MYCBP2: variants seen among roughly 807,000 people sequenced by gnomAD.
MYCBP2 encodes the protein E3 ubiquitin-protein ligase MYCBP2.
Under a neutral mutation model 525.3 loss-of-function variants are expected in MYCBP2, and 120 were observed. The observed-to-expected ratio is 0.23, with a 90% CI of 0.20 to 0.27. The LOEUF (loss-of-function observed/expected upper bound fraction) is 0.27, where lower values mean the gene tolerates loss of function less well. Ranked by LOEUF, MYCBP2 falls within the 10% of genes least tolerant of loss-of-function variation. The probability of loss-of-function intolerance (pLI) is 1.00; values close to 1 mark genes in which losing one functional copy is unlikely to be tolerated. For synonymous variants in MYCBP2, 1,894 were observed against 1,955.8 expected, an observed-to-expected ratio of 0.97 and a Z score of 0.83; for missense variants, 4,149 against 5,657.1, an observed-to-expected ratio of 0.73 and a Z score of 8.55.
At chr13:77,256,488 A>T (rs770502485) in intron 14 of MYCBP2, among the ~76,000 whole-genome samples, 1 of 152,098 alleles carries the variant, frequency 6.6e-6, no homozygotes. Context: ...ATTATCAAAT[A>T]AATAAGAAAT....
At position 77,225,442 on chromosome 13, in the gene MYCBP2, G is replaced by A. The variant is rs1232261235; in HGVS notation, c.2850C>T (p.His950=). 2 of 1,613,560 alleles carry A rather than the reference G, an allele frequency of 1.2e-6. No homozygotes were observed. Among genetic ancestry groups the A allele is most frequent in the Non-Finnish European group, 1.7e-6 (2 of 1,179,654 alleles). ...LRAVQVSCGF[H]HSVVLMENGD... is the part of the protein sequence containing the mutation. ...TAAAGTTCCAGCCGCTACCTGAATG[G>A]TGAAATCCACAGCTGACTTGGACTG... The change falls in exon 19 of 83, where the codon CAC becomes CAT. Residue 950 remains histidine, a synonymous_variant. Coordinates refer to ENST00000544440, the MANE Select transcript of MYCBP2 (RefSeq NM_015057.5).
intron 7 of MYCBP2, 74 bp downstream of exon 7, chr13:77,269,918 T>G: frequency 9.1e-7 from 1 of 1,101,876 alleles, no homozygotes; most frequent in Non-Finnish European, 1.4e-6. Flanking sequence ...GAAGTGATAT[T>G]ACTGATTAAA....
At chr13:77,310,613 T>C (rs2080071979) in intron 1 of MYCBP2, among the ~76,000 whole-genome samples, 1 of 152,128 alleles carries the variant, frequency 6.6e-6, no homozygotes, top group Non-Finnish European at 1.5e-5. Flanking sequence ...ATCATATATA[T>C]ATAATTGGAT....
At chr13:77,189,340 GCT>G (rs1218018677) in intron 29 of MYCBP2, among the ~76,000 whole-genome samples, 1 of 151,980 alleles carries the variant, frequency 6.6e-6, no homozygotes, top group Non-Finnish European at 1.5e-5. Context: ...CTCTAGTAAT[GCT>G]ACTATTAATG....
chr13:77,277,352 G>A (rs1279802018), intron 4 of MYCBP2, among the ~76,000 whole-genome samples: 3 of 152,026 alleles, frequency 2.0e-5, no homozygotes, highest in Admixed American at 6.5e-5. Flanking sequence ...TAACCAACAC[G>A]GTGCTTGCCT....
intron 22 of MYCBP2, among the ~76,000 whole-genome samples, chr13:77,211,565 C>T (rs1182096335): frequency 6.6e-6 from 1 of 152,120 alleles, no homozygotes; most frequent in Non-Finnish European, 1.5e-5. Context: ...GTATCATGGA[C>T]ACAGTACAGA....
intron 18 of MYCBP2, among the ~76,000 whole-genome samples, chr13:77,226,935 T>A (rs2066365732): frequency 6.6e-6 from 1 of 152,128 alleles, no homozygotes; most frequent in Non-Finnish European, 1.5e-5. Context: ...GATTACAGAT[T>A]AAACTAAATG....
At chr13:77,205,175 G>A in intron 26 of MYCBP2, 81 bp downstream of exon 26, 1 of 1,246,284 alleles carries the variant, frequency 8.0e-7, no homozygotes, top group Non-Finnish European at 1.0e-6. Context: ...AAAAAAATTA[G>A]ACATTAAATA....
chr13:77,169,159 A>G (rs1175451262), intron 39 of MYCBP2, among the ~76,000 whole-genome samples: 1 of 152,228 alleles, frequency 6.6e-6, no homozygotes, highest in African/African-American at 2.4e-5. Context: ...CTGTAATCCC[A>G]GCACTTTGGG....
At chr13:77,133,888 T>C (rs2053318358) in intron 52 of MYCBP2, among the ~76,000 whole-genome samples, 1 of 152,188 alleles carries the variant, frequency 6.6e-6, no homozygotes. Flanking sequence ...ATATGGTATG[T>C]CTACCACATT....
chr13:77,150,858 G>T lies in MYCBP2; in HGVS notation c.7007C>A (p.Ala2336Glu), dbSNP rs749304590. ...AGTATTAGAAGATGCAGCTGTTACT[G>T]CAGGACTGCCAGGAATCCTTTGAGG... ...KKPQRIPGSP[A>E]VTAASSNTDM... Residue 2336 changes from alanine (A) to glutamate (E), a missense_variant, in exon 47 of 83, where the codon GCA becomes GAA. Coordinates refer to ENST00000544440, the MANE Select transcript of MYCBP2 (RefSeq NM_015057.5). The T allele has an allele frequency of 1.2e-6, 2 of 1,614,082 alleles. No individual in the cohort carries two copies. Among genetic ancestry groups the T allele is most frequent in the Admixed American group, 3.3e-5 (2 of 60,022 alleles).
intron 12 of MYCBP2, among the ~76,000 whole-genome samples, chr13:77,260,876 G>A (rs1020044209): frequency 1.3e-5 from 2 of 151,980 alleles, no homozygotes; most frequent in African/African-American, 4.8e-5. Context: ...CTCCTGGAGG[G>A]CCCAATCTCT....
In MYCBP2 at chr13:77,257,424, G is replaced by A. The variant is rs1050575184; in HGVS notation, c.2176+247C>T. 2.0e-5 allele frequency among the ~76,000 whole-genome samples: 3 copies of A among 152,004 alleles called. No individual in the cohort carries two copies. In the East Asian group the frequency reaches 5.8e-4, roughly 29 times the overall value. The stretch of plus-strand genomic sequence containing the variant: ...TAACACAAAGAAAGGATACATGCTT[G>A]AGATGATGGAGACCCCATTTACCCT... On this transcript the variant is annotated intron_variant, in intron 14 of 82. Transcript: ENST00000544440.
At chr13:77,087,255 G>A (rs2044472452) in intron 62 of MYCBP2, among the ~76,000 whole-genome samples, 2 of 152,292 alleles carry the variant, frequency 1.3e-5, no homozygotes, top group South Asian at 4.1e-4. Context: ...GGGTAGAAAT[G>A]AGGCTGAACT....
intron 14 of MYCBP2, among the ~76,000 whole-genome samples, chr13:77,253,876 C>T (rs1429274093): frequency 1.3e-5 from 2 of 151,860 alleles, no homozygotes; most frequent in Admixed American, 1.3e-4. Context: ...TCCAGTAAAA[C>T]TGAAATCCAC....
intron 55 of MYCBP2, among the ~76,000 whole-genome samples, chr13:77,114,062 GA>G (rs2049303540): frequency 6.6e-6 from 1 of 152,136 alleles, no homozygotes; most frequent in Admixed American, 6.6e-5. Context: ...ATCCGGGGTA[GA>G]AATGACTCAG....
At chr13:77,138,631 A>T (rs1193238719) in intron 52 of MYCBP2, among the ~76,000 whole-genome samples, 1 of 152,178 alleles carries the variant, frequency 6.6e-6, no homozygotes, top group Non-Finnish European at 1.5e-5. Context: ...CACTGGCTCT[A>T]TTCTACTATA....
In MYCBP2 at chr13:77,177,754, A is replaced by T; in HGVS notation, c.5334T>A (p.Val1778=). ...GIHEYELEVL[V]DDSEHAGDST... is the part of the protein sequence containing the mutation. ...CTAAAAGGGTGATACTTACATCATC[A>T]ACCAACACCTCTAATTCATATTCAT... The change falls in exon 35 of 83, where the codon GTT becomes GTA. Residue 1778 remains valine (V), a synonymous_variant. Transcript: ENST00000544440. 1 of 1,611,864 alleles carries T rather than the reference A, an allele frequency of 6.2e-7. No individual in the cohort carries two copies. Among genetic ancestry groups the T allele is most frequent in the Non-Finnish European group, 8.5e-7 (1 of 1,177,956 alleles).
chr13:77,260,437 C>CA lies in MYCBP2; in HGVS notation c.2007dup (p.Asp670Ter), dbSNP rs2073070846. On this transcript the variant is annotated frameshift_variant, in exon 13 of 83. Transcript: ENST00000544440. LOFTEE classifies it high-confidence loss of function. ...CTTTTTATTAACTTACTTGAACTAT[C>CA]AGAGTAAATGGCATCTTTTCCAAAC... 1 of 1,576,152 alleles carries CA rather than the reference C, an allele frequency of 6.3e-7. No individual in the cohort carries two copies. Among genetic ancestry groups the CA allele is most frequent in the Admixed American group, 2.0e-5 (1 of 50,632 alleles).
Sources: gnomAD v4.1 joint callset for allele counts (sites outside exome capture counted in the v4.1 genomes callset) on GRCh38, gnomAD v4.1.1 for gene constraint, MANE v1.5 for transcripts, NCBI Gene and HGNC (gene_info 2026-07-23, HGNC 2026-07-21) for gene names.